DNAH10: variants seen among roughly 807,000 people sequenced by gnomAD.
DNAH10 encodes the protein axonemal beta dynein heavy chain 10.
A neutral mutation model predicts 506.6 loss-of-function variants in DNAH10; 348 were observed. The observed-to-expected ratio is 0.69, with a 90% CI of 0.63 to 0.75. The LOEUF is 0.75. Among genes scored for constraint, DNAH10 ranks in the 30% least tolerant of loss-of-function variants. DNAH10 has a pLI of 0.00. For missense variants in DNAH10, 5,179 were observed against 5,787.1 expected (o/e 0.89, Z 3.41); for synonymous variants, 2,059 against 2,198.6 (o/e 0.94, Z 1.78).
At chr12:123,827,988 C>T (rs1040677422) in intron 25 of DNAH10, among the ~76,000 whole-genome samples, 6 of 152,082 alleles carry the variant, frequency 3.9e-5, no homozygotes, top group African/African-American at 1.4e-4. Context: ...ATCCCATAAC[C>T]CAGTGTTTCT....
In DNAH10 at chr12:123,925,549, A is replaced by T. The variant is rs1299996767; in HGVS notation, c.11921+345A>T. The T allele has an allele frequency of 5.0e-6, 1 of 201,730 alleles. No homozygotes were observed. Among genetic ancestry groups the T allele is most frequent in the South Asian group, 1.3e-4 (1 of 7,730 alleles). 12.5% of individuals were successfully genotyped at this position (201,730 alleles called of 1,614,324 possible). ...TATGAACATGATTGAGACATTTTAC[A>T]TGCTTTTTTCTGGTATTAAGTCTAC... On this transcript the variant is annotated intron_variant, in intron 68 of 78. Transcript: ENST00000673944. The surrounding 1 kb of genome is among the most constrained non-coding windows in gnomAD (Gnocchi z 4.0).
At chr12:123,934,273 C>T in intron 77 of DNAH10, 1 of 696,214 alleles carries the variant, frequency 1.4e-6, no homozygotes. Context: ...CCATGGTGCC[C>T]ATTCTGACTC....
intron 53 of DNAH10, among the ~76,000 whole-genome samples, chr12:123,893,972 T>C (rs954398909): frequency 2.0e-5 from 3 of 152,072 alleles, no homozygotes; most frequent in Admixed American, 2.0e-4. Context: ...GGTGAGAAAC[T>C]CTGCTTTTGA....
Position 123,916,539 on chromosome 12 carries a change from T to C in DNAH10, c.10805T>C (p.Val3602Ala). 6.2e-7 allele frequency: 1 copy of C among 1,613,936 alleles called. No homozygotes were observed. The highest frequency in any genetic ancestry group is 8.5e-7 in the Non-Finnish European group (1 of 1,179,878). ...KYGTPFLFRD[V>A]DEYIDPVIDN... is the part of the protein sequence containing the mutation. Reference sequence around the variant, plus strand: ...GGGACCCCTTTCCTGTTCCGCGATGTTGATGAATACATCGATCCTGTGATT... The same window carrying C: ...GGGACCCCTTTCCTGTTCCGCGATGCTGATGAATACATCGATCCTGTGATT... The change falls in exon 63 of 79, where the codon GTT becomes GCT. Residue 3602 changes from valine (V) to alanine (A), a missense_variant. Around this residue, in one of 3 missense-constraint regions of DNAH10, gnomAD observed 4,844 missense variants for 5,430.5 expected, o/e 0.89. Transcript: ENST00000673944. The surrounding 1 kb of genome is among the most constrained non-coding windows in gnomAD (Gnocchi z 4.6).
intron 45 of DNAH10, among the ~76,000 whole-genome samples, chr12:123,872,199 T>C (rs1203087329): frequency 1.3e-5 from 2 of 152,168 alleles, no homozygotes; most frequent in South Asian, 2.1e-4. Context: ...CAGCCAGCTA[T>C]GTGTCCAATG....
At chr12:123,888,490 GGAGATTTGAGA>G (rs1952836704) in intron 52 of DNAH10, among the ~76,000 whole-genome samples, 1 of 152,180 alleles carries the variant, frequency 6.6e-6, no homozygotes, top group South Asian at 2.1e-4. Flanking sequence ...GAAGGCAGAG[GGAGATTTGAGA>G]CACAGAGAAT....
At chr12:123,905,964 C>T (rs1476347162) in intron 57 of DNAH10, among the ~76,000 whole-genome samples, 1 of 151,954 alleles carries the variant, frequency 6.6e-6, no homozygotes, top group Admixed American at 6.6e-5. Flanking sequence ...GTCACCCAGG[C>T]TGGAGTGCAG....
At chr12:123,782,007 GTTTT>G (rs1957672163) in intron 6 of DNAH10, among the ~76,000 whole-genome samples, 1 of 152,008 alleles carries the variant, frequency 6.6e-6, no homozygotes, top group Non-Finnish European at 1.5e-5. Flanking sequence ...TCATCTTGAC[GTTTT>G]CCTCCACTAT....
rs1390945491 is a variant in DNAH10, at chr12:123,794,002, G to GAAGC, written c.1878_1881dup (p.Ala628SerfsTer4). On this transcript the variant is annotated frameshift_variant, in exon 12 of 79. Transcript: ENST00000673944. LOFTEE classifies it high-confidence loss of function. ...ATCTTTTAAGACGCTTCGATCTGCT[G>GAAGC]AAGCAGCATTTGACATGCTTTTAAA... The GAAGC allele has an allele frequency of 2.3e-6, 3 of 1,282,906 alleles. No homozygotes were observed. The highest frequency in any genetic ancestry group is 3.0e-6 in the Non-Finnish European group (3 of 984,782). 79.5% of individuals were successfully genotyped at this position (1,282,906 alleles called of 1,614,324 possible). A position where few individuals can be genotyped will look rare whatever the true frequency, so the allele number is the denominator to read the frequency against.
chr12:123,810,291 G>T (rs543124229), intron 19 of DNAH10, among the ~76,000 whole-genome samples: 1 of 152,300 alleles, frequency 6.6e-6, no homozygotes, highest in African/African-American at 2.4e-5. Flanking sequence ...CTCTTCACTT[G>T]GCTTGTTCAG....
At position 123,902,832 on chromosome 12, in the gene DNAH10, G is replaced by A. The variant is rs562081184; in HGVS notation, c.9641-107G>A. 2.2e-6 allele frequency: 3 copies of A among 1,389,912 alleles called. No homozygotes were observed. Among genetic ancestry groups the A allele is most frequent in the African/African-American group, 1.5e-5 (1 of 68,328 alleles). The allele number at this position is 1,389,912 out of a possible 1,614,324, so 86.1% of individuals were successfully genotyped here. A position where few individuals can be genotyped will look rare whatever the true frequency, so the allele number is the denominator to read the frequency against. ...ATTGGCCAGAGCCCCTTAGATCCCC[G>A]CTAGGGCTCAAGCCAACCTTTGAGG... On this transcript the variant is annotated intron_variant, in intron 56 of 78. Transcript: ENST00000673944. This position sits in a 1 kb window ranked among gnomAD's most constrained non-coding sequence, Gnocchi z 4.5.
In DNAH10 at chr12:123,794,100, G is replaced by C. The variant is rs187660899; in HGVS notation, c.1974G>C (p.Gln658His). The C allele has an allele frequency of 2.9e-5, 35 of 1,221,768 alleles. No homozygotes were observed. In the African/African-American group the frequency reaches 4.7e-4, roughly 16 times the overall value. 75.7% of individuals were successfully genotyped at this position (1,221,768 alleles called of 1,614,324 possible). The change falls in exon 12 of 79, where the codon CAG becomes CAC. Residue 658 changes from glutamine to histidine, a missense_variant. Gln to His is a conservative substitution (Grantham distance 24, BLOSUM62 0). Transcript: ENST00000673944. ...TGAAATTTAATGATATTCTTGCACA[G>C]TACTGTAAAGAGGTAATTGAAAAAT... Reference protein sequence around the residue: ...MMMKFNDILAQYCKEIDIINK... With the variant: ...MMMKFNDILAHYCKEIDIINK...
At position 123,933,457 on chromosome 12, in the gene DNAH10, A is replaced by G; in HGVS notation, c.13423A>G (p.Thr4475Ala). ...GWPLDRSTLF[T>A]QVTKFQDADE... ...GCCACTGGACCGCTCCACCTTGTTC[A>G]CACAAGTGACCAAGTTCCAGGATGC... Residue 4475 changes from threonine to alanine, a missense_variant, in exon 77 of 79, where the codon ACA becomes GCA. Coordinates refer to ENST00000673944, the MANE Select transcript of DNAH10 (RefSeq NM_001372106.1). 1 of 1,612,238 alleles carries G rather than the reference A, an allele frequency of 6.2e-7. No individual in the cohort carries two copies. The highest frequency in any genetic ancestry group is 8.5e-7 in the Non-Finnish European group (1 of 1,179,334).
intron 1 of DNAH10, among the ~76,000 whole-genome samples, chr12:123,767,050 C>T (rs1430386439): frequency 4.0e-5 from 6 of 151,686 alleles, no homozygotes; most frequent in East Asian, 1.9e-4. Flanking sequence ...GGATTACAGG[C>T]GCGCACCACC....
At chr12:123,835,307 G>A in intron 27 of DNAH10, 99 bp from the exon 28 acceptor site, 2 of 1,408,762 alleles carry the variant, frequency 1.4e-6, no homozygotes, top group East Asian at 4.8e-5. Context: ...TCCCACCTGA[G>A]TTGATTTGGT....
intron 69 of DNAH10, chr12:123,927,143 A>T: frequency 3.3e-6 from 1 of 304,446 alleles, no homozygotes; most frequent in South Asian, 4.1e-5. Flanking sequence ...CCTGATTGTG[A>T]AGTGATCGTC....
chr12:123,783,896 C>A, intron 7 of DNAH10, 51 bp from the exon 8 acceptor site: 1 of 1,515,650 alleles, frequency 6.6e-7, no homozygotes, highest in South Asian at 1.1e-5. Flanking sequence ...CCATAAGTGT[C>A]TGCTCCACCC....
At chr12:123,882,683 C>G (rs1952557600) in intron 51 of DNAH10, among the ~76,000 whole-genome samples, 1 of 150,410 alleles carries the variant, frequency 6.6e-6, no homozygotes, top group African/African-American at 2.5e-5. Flanking sequence ...ATCCCAGCTA[C>G]TCGGAGGCTG....
Position 123,930,385 on chromosome 12 carries a change from A to G in DNAH10, c.12613-17A>G, listed in dbSNP as rs1457345948. ...GGTTCTGAGCTCCTGGCTGGCTCTC[A>G]GGCCCTCTAATTTCAGGTCATGTAT... is the stretch of plus-strand genomic sequence containing the variant. On this transcript the variant is annotated splice_polypyrimidine_tract_variant and intron_variant, in intron 72 of 78. Coordinates refer to ENST00000673944, the MANE Select transcript of DNAH10 (RefSeq NM_001372106.1). 1.3e-6 allele frequency: 2 copies of G among 1,526,960 alleles called. No individual in the cohort carries two copies. Among genetic ancestry groups the G allele is most frequent in the African/African-American group, 1.4e-5 (1 of 70,938 alleles). The allele number at this position is 1,526,960 out of a possible 1,614,324, so 94.6% of individuals were successfully genotyped here.
Sources: allele counts gnomAD v4.1 joint callset (sites outside exome capture counted in the v4.1 genomes callset), GRCh38; gene constraint gnomAD v4.1.1; regional missense constraint gnomAD v4.1.1; non-coding constraint Gnocchi (gnomAD v3.1); transcripts MANE v1.5; gene names NCBI Gene and HGNC (gene_info 2026-07-23, HGNC 2026-07-21).